Variants in PTPRS observed in about 807,000 individuals in gnomAD.
PTPRS encodes the protein protein tyrosine phosphatase receptor type S.
A neutral mutation model predicts 215.3 loss-of-function variants in PTPRS; 63 were observed. The ratio of observed to expected loss-of-function variants is 0.29; its 90% CI spans 0.24 to 0.36. The LOEUF (loss-of-function observed/expected upper bound fraction) is 0.36, where lower values mean the gene tolerates loss of function less well. PTPRS is among the 10% of genes least tolerant of loss of function. The probability of loss-of-function intolerance (pLI) is 1.00; values close to 1 mark genes in which losing one functional copy is unlikely to be tolerated. For synonymous variants in PTPRS, 1,404 were observed against 1,191.4 expected, an observed-to-expected ratio of 1.18 and a Z score of -3.68; for missense variants, 2,258 against 2,825.8, an observed-to-expected ratio of 0.80 and a Z score of 4.56.
At chr19:5,221,324 G>A (rs1371930274) in intron 19 of PTPRS, 71 bp from the exon 20 acceptor site, 3 of 1,546,648 alleles carry the variant, frequency 1.9e-6, no homozygotes, top group Non-Finnish European at 2.6e-6. Context: ...GCTCCAGGAT[G>A]AGTCCCCCAC....
At chr19:5,229,425 G>C (rs557632983) in intron 15 of PTPRS, 66 bp downstream of exon 15, 4 of 1,363,500 alleles carry the variant, frequency 2.9e-6, no homozygotes, top group Admixed American at 4.0e-5. Flanking sequence ...AGCAGAGGTG[G>C]GGGGAGCGCA....
At chr19:5,282,868 C>T (rs962182446) in intron 2 of PTPRS, among the ~76,000 whole-genome samples, 1 of 151,852 alleles carries the variant, frequency 6.6e-6, no homozygotes, top group Admixed American at 6.6e-5. Context: ...AGGATTCCAA[C>T]CCAGGCCTAC....
intron 28 of PTPRS, 118 bp from the exon 29 acceptor site, chr19:5,214,854 C>CCATGGGA (rs2041271091): frequency 1.9e-6 from 2 of 1,062,646 alleles, no homozygotes; most frequent in Non-Finnish European, 2.7e-6. Context: ...CCCAAGGTGA[C>CCATGGGA]CATGGGACGT....
At chr19:5,288,387 T>G (rs1469370561) in intron 1 of PTPRS, among the ~76,000 whole-genome samples, 2 of 152,162 alleles carry the variant, frequency 1.3e-5, no homozygotes, top group African/African-American at 2.4e-5. Context: ...ACAGTCAGAC[T>G]CTAGGTACAC....
chr19:5,271,316 G>A (rs1331288628), intron 4 of PTPRS, among the ~76,000 whole-genome samples: 2 of 152,062 alleles, frequency 1.3e-5, no homozygotes, highest in Non-Finnish European at 2.9e-5. Flanking sequence ...ATGGCATTGT[G>A]CTAATCTTGC....
chr19:5,239,492 G>C (rs2043822407), intron 12 of PTPRS, among the ~76,000 whole-genome samples: 1 of 151,660 alleles, frequency 6.6e-6, no homozygotes, highest in South Asian at 2.1e-4. Context: ...TACAGAGACA[G>C]ACAGAAACAG....
chr19:5,286,024 C>G (rs1230048090), intron 2 of PTPRS, 26 bp downstream of exon 2: 1 of 1,605,246 alleles, frequency 6.2e-7, no homozygotes, highest in African/African-American at 1.3e-5. Flanking sequence ...ACGCAGACCC[C>G]TGCACATCCC....
At chr19:5,269,145 G>A (rs534563278) in intron 4 of PTPRS, among the ~76,000 whole-genome samples, 2 of 152,218 alleles carry the variant, frequency 1.3e-5, no homozygotes, top group South Asian at 4.2e-4. Context: ...TTTCATTCAT[G>A]CGTGGGTACA....
chr19:5,206,603 C>T lies in PTPRS; in HGVS notation c.*171G>A, dbSNP rs1568351513. ...GGGAGGTCGCTGGGGCGGCCGGGGC[C>T]GGTGGGGGGGCTCGAGGGGCTGCGT... On this transcript the variant is annotated 3_prime_UTR_variant, in exon 38 of 38. Transcript: ENST00000262963. 1.8e-5 allele frequency: 10 copies of T among 569,752 alleles called. No homozygotes were observed. Among genetic ancestry groups the T allele is most frequent in the South Asian group, 1.1e-4 (5 of 47,022 alleles). 35.3% of individuals were successfully genotyped at this position (569,752 alleles called of 1,614,324 possible).
At chr19:5,275,232 G>A (rs1286276228) in intron 2 of PTPRS, among the ~76,000 whole-genome samples, 4 of 151,502 alleles carry the variant, frequency 2.6e-5, no homozygotes, top group Non-Finnish European at 2.9e-5. Flanking sequence ...CACCATGCCC[G>A]GCTAACTTTT....
rs764156737 is a variant in PTPRS, at chr19:5,222,873, A to G, written c.2919T>C (p.Gly973=). ...CAGTCTCTCGGGCAGGGCCCAGGGC[A>G]CCGGCCTCCCGCACGGCCACCGTGT... The part of the protein sequence containing the change: ...VKYTVAVREA[G]ALGPARETEL... Residue 973 remains glycine, a synonymous_variant, in exon 18 of 38, where the codon GGT becomes GGC. Transcript: ENST00000262963. 63 of 1,582,622 alleles carry G rather than the reference A, an allele frequency of 4.0e-5. No individual in the cohort carries two copies. The East Asian group carries it at 1.3e-3, about 31-fold the overall frequency.
At chr19:5,324,548 G>A (rs2050120380) in intron 1 of PTPRS, among the ~76,000 whole-genome samples, 1 of 152,216 alleles carries the variant, frequency 6.6e-6, no homozygotes, top group African/African-American at 2.4e-5. Flanking sequence ...CAATGGAGGA[G>A]GAGAGGAGAA....
chr19:5,318,575 G>A (rs1405636762), intron 1 of PTPRS, among the ~76,000 whole-genome samples: 2 of 152,130 alleles, frequency 1.3e-5, no homozygotes, highest in Admixed American at 6.5e-5. Context: ...AGACTGAATC[G>A]AAAGGCACAC....
At chr19:5,301,481 A>AT (rs2075765540) in intron 1 of PTPRS, among the ~76,000 whole-genome samples, 2 of 151,546 alleles carry the variant, frequency 1.3e-5, no homozygotes. Context: ...ATGCTTGGCT[A>AT]TTTTTTGTAT....
At chr19:5,325,341 C>T (rs974433257) in intron 1 of PTPRS, among the ~76,000 whole-genome samples, 1 of 152,238 alleles carries the variant, frequency 6.6e-6, no homozygotes, top group Non-Finnish European at 1.5e-5. Flanking sequence ...CCCAGGTGGC[C>T]ATGTGCCCAG....
At chr19:5,268,196 A>T (rs1031838767) in intron 4 of PTPRS, among the ~76,000 whole-genome samples, 1 of 151,822 alleles carries the variant, frequency 6.6e-6, no homozygotes, top group African/African-American at 2.4e-5. Flanking sequence ...TAAATTAATT[A>T]ATTAATTAAA....
Position 5,210,872 on chromosome 19 carries a change from G to A in PTPRS, c.5235-67C>T, listed in dbSNP as rs2040810785. The A allele has an allele frequency of 6.4e-7, 1 of 1,562,292 alleles. No homozygotes were observed. Among genetic ancestry groups the A allele is most frequent in the Non-Finnish European group, 8.6e-7 (1 of 1,158,556 alleles). On this transcript the variant is annotated intron_variant, in intron 33 of 37. Coordinates refer to ENST00000262963, the MANE Select transcript of PTPRS (RefSeq NM_002850.4). This position sits in a 1 kb window ranked among gnomAD's most constrained non-coding sequence, Gnocchi z 4.5. ...CCCGGCGTGGTACTCACCTGATGCTGCCCGGGAGGGTCAGGACCAAGCCAG... is the reference window on the plus strand; with the variant it reads ...CCCGGCGTGGTACTCACCTGATGCTACCCGGGAGGGTCAGGACCAAGCCAG...
At position 5,233,571 on chromosome 19, in the gene PTPRS, G is replaced by A. The variant is rs143408129; in HGVS notation, c.1850-1956C>T. On this transcript the variant is annotated intron_variant, in intron 13 of 37. Transcript: ENST00000262963. ...AGTATGTGCCACGCATCATGCTAAG[G>A]GGAACAGCAATAGAAGCTCCACTTA... is the stretch of plus-strand genomic sequence containing the variant. Among the ~76,000 whole-genome samples the A allele has an allele frequency of 2.2e-3, 333 of 151,148 alleles. 7 individuals carry two copies. In the East Asian group the frequency reaches 0.035, roughly 16 times the overall value.
At chr19:5,249,795 G>A (rs2044832282) in intron 9 of PTPRS, among the ~76,000 whole-genome samples, 1 of 152,218 alleles carries the variant, frequency 6.6e-6, no homozygotes, top group Admixed American at 6.5e-5. Flanking sequence ...AGGAATTGTT[G>A]GAACGTCAAA....
Sources: gnomAD v4.1 joint callset for allele counts (sites outside exome capture counted in the v4.1 genomes callset) on GRCh38, gnomAD v4.1.1 for gene constraint, Gnocchi (gnomAD v3.1) non-coding constraint, MANE v1.5 for transcripts, NCBI Gene and HGNC (gene_info 2026-07-23, HGNC 2026-07-21) for gene names.